Variants in PGAP1 observed in about 807,000 individuals in gnomAD.
PGAP1 encodes post-GPI attachment to proteins inositol deacylase 1, also known as GPI inositol-deacylase.
PGAP1 carries 76 observed loss-of-function variants against 127.0 expected under a neutral mutation model. The ratio of observed to expected loss-of-function variants is 0.60; its 90% CI spans 0.50 to 0.72. The LOEUF (loss-of-function observed/expected upper bound fraction) is 0.72. PGAP1 is among the 30% of genes least tolerant of loss of function. The pLI is 0.00. For missense variants in PGAP1, 982 were observed against 1,071.3 expected (o/e 0.92, Z 1.16); for synonymous variants, 362 against 366.5 (o/e 0.99, Z 0.14).
chr2:196,870,919 A>G (rs1434264430), intron 19 of PGAP1, 22 bp downstream of exon 19: 3 of 1,595,238 alleles, frequency 1.9e-6, no homozygotes, highest in Admixed American at 3.4e-5. Flanking sequence ...TAAATAATCA[A>G]CCAGCCAGGA....
At chr2:196,911,606 T>TAAA (rs56107551) in intron 4 of PGAP1, among the ~76,000 whole-genome samples, 12 of 77,292 alleles carry the variant, frequency 1.6e-4, no homozygotes, top group East Asian at 4.0e-4. Context: ...TAGAGTATAA[T>TAAA]AAAAAAAAAA....
intron 10 of PGAP1, among the ~76,000 whole-genome samples, chr2:196,888,112 G>A (rs1180401389): frequency 2.0e-5 from 3 of 152,134 alleles, no homozygotes; most frequent in Admixed American, 2.0e-4. Context: ...ACACCATGTT[G>A]ATATAACCTA....
At chr2:196,877,446 T>A (rs369398635) in intron 13 of PGAP1, 63 of 152,196 alleles carry the variant, frequency 4.1e-4, no homozygotes, top group African/African-American at 1.4e-3. Flanking sequence ...AGCATTAAGA[T>A]GCATTACATA....
intron 3 of PGAP1, 23 bp from the exon 4 acceptor site, chr2:196,913,076 C>T: frequency 1.3e-6 from 2 of 1,572,474 alleles, no homozygotes; most frequent in South Asian, 1.2e-5. Context: ...ATCACCAGGT[C>T]ATAATTGCGG....
intron 1 of PGAP1, 98 bp from the exon 2 acceptor site, chr2:196,920,248 C>T: frequency 9.5e-7 from 1 of 1,050,438 alleles, no homozygotes; most frequent in Non-Finnish European, 1.3e-6. Context: ...TGAAATAGTG[C>T]AATATAAAAA....
intron 22 of PGAP1, among the ~76,000 whole-genome samples, chr2:196,846,596 T>C (rs1176985680): frequency 6.6e-6 from 1 of 152,184 alleles, no homozygotes; most frequent in African/African-American, 2.4e-5. Flanking sequence ...CTCTAGGCAA[T>C]GTTTTTGGAG....
intron 4 of PGAP1, among the ~76,000 whole-genome samples, chr2:196,912,503 C>T (rs1702857885): frequency 6.7e-6 from 1 of 149,178 alleles, no homozygotes; most frequent in Admixed American, 6.8e-5. Flanking sequence ...TCGCTTGAAC[C>T]TGAGAGGTGG....
intron 2 of PGAP1, 140 bp downstream of exon 2, chr2:196,919,857 G>C: frequency 1.3e-6 from 1 of 741,250 alleles, no homozygotes; most frequent in Non-Finnish European, 2.1e-6. Context: ...ATTATATTTT[G>C]GTCTCTCTGT....
At chr2:196,843,626 A>G (rs1359714691) in intron 25 of PGAP1, among the ~76,000 whole-genome samples, 1 of 152,110 alleles carries the variant, frequency 6.6e-6, no homozygotes, top group African/African-American at 2.4e-5. Flanking sequence ...GAAAATGTGA[A>G]TGTATTAAAA....
intron 10 of PGAP1, among the ~76,000 whole-genome samples, chr2:196,888,320 T>G (rs895774352): frequency 9.9e-5 from 15 of 152,206 alleles, no homozygotes; most frequent in African/African-American, 2.7e-4. Flanking sequence ...CACTTTATAA[T>G]GGATGGATCA....
intron 20 of PGAP1, among the ~76,000 whole-genome samples, chr2:196,861,806 C>A (rs942343121): frequency 6.6e-6 from 1 of 151,898 alleles, no homozygotes; most frequent in Non-Finnish European, 1.5e-5. Context: ...GTCTTTACTG[C>A]AATCTCTAAA....
chr2:196,896,828 TAAAAAAAAAAA>T (rs566717804), intron 7 of PGAP1, among the ~76,000 whole-genome samples: 1 of 90,622 alleles, frequency 1.1e-5, no homozygotes, highest in African/African-American at 4.6e-5. Context: ...GACTCCATCT[TAAAAAAAAAAA>T]AAAAAAAAAA....
At chr2:196,891,981 CTG>C (rs1393002801) in intron 9 of PGAP1, among the ~76,000 whole-genome samples, 1 of 151,836 alleles carries the variant, frequency 6.6e-6, no homozygotes, top group African/African-American at 2.4e-5. Context: ...AAAATCAAGA[CTG>C]TGAAACTCTA....
Position 196,839,044 on chromosome 2 carries a change from AAAAC to A in PGAP1, c.*2186_*2189del, listed in dbSNP as rs141212788. ...GGTGACAGCGTGAGACTCCATCTCA[AAAAC>A]AAACAAACAAACAAACAAAAAGCAA... is the stretch of plus-strand genomic sequence containing the variant. On this transcript the variant is annotated 3_prime_UTR_variant, in exon 27 of 27. Coordinates refer to ENST00000354764, the MANE Select transcript of PGAP1 (RefSeq NM_024989.4). 1.9e-4 allele frequency: 30 copies of A among 154,038 alleles called. No individual in the cohort carries two copies. Among genetic ancestry groups the A allele is most frequent in the Non-Finnish European group, 3.0e-4 (21 of 69,340 alleles). 9.5% of individuals were successfully genotyped at this position (154,038 alleles called of 1,614,324 possible). A position where few individuals can be genotyped will look rare whatever the true frequency, so the allele number is the denominator to read the frequency against.
intron 8 of PGAP1, 120 bp downstream of exon 8, chr2:196,893,015 TATATA>T: frequency 2.2e-6 from 1 of 449,056 alleles, no homozygotes; most frequent in African/African-American, 2.0e-5. Flanking sequence ...TATATGTATA[TATATA>T]ATAGGATCCT....
chr2:196,862,151 G>A (rs1701088366), intron 20 of PGAP1, among the ~76,000 whole-genome samples: 1 of 151,928 alleles, frequency 6.6e-6, no homozygotes, highest in Non-Finnish European at 1.5e-5. Flanking sequence ...AAATATCACT[G>A]AATTCTTTTT....
chr2:196,870,485 T>C lies in PGAP1; in HGVS notation c.1767+456A>G, dbSNP rs183191810. ...CTAATTTTTGTATTTTCAGTAGAGG[T>C]GGGGTTTCACCAGTTGGCCAGGCTG... is the stretch of plus-strand genomic sequence containing the variant. On this transcript the variant is annotated intron_variant, in intron 19 of 26. Transcript: ENST00000354764. 5.0e-3 allele frequency among the ~76,000 whole-genome samples: 765 copies of C among 152,036 alleles called. 23 individuals are homozygous for C. The highest frequency in any genetic ancestry group is 0.045 in the Admixed American group (681 of 15,250).
chr2:196,903,286 T>A (rs1171580783), intron 4 of PGAP1, among the ~76,000 whole-genome samples: 1 of 150,864 alleles, frequency 6.6e-6, no homozygotes, highest in East Asian at 1.9e-4. Flanking sequence ...TCCCTCCCTA[T>A]GATGGCAGTA....
rs528756244 is a variant in PGAP1 at position 196,915,919 on chromosome 2, G to A, written c.477+499C>T. Among the ~76,000 whole-genome samples the A allele has an allele frequency of 4.0e-5, 6 of 148,212 alleles. No individual in the cohort carries two copies. The South Asian group carries it at 1.3e-3, about 32-fold the overall frequency. On this transcript the variant is annotated intron_variant, in intron 3 of 26. Transcript: ENST00000354764. ...CTTTCTTTAGCTAAGTGATATCAATGTACCTCCCTTACTTGCCCCATAGTC... is the reference window on the plus strand; with the variant it reads ...CTTTCTTTAGCTAAGTGATATCAATATACCTCCCTTACTTGCCCCATAGTC...
Sources: gnomAD v4.1 joint callset for allele counts (sites outside exome capture counted in the v4.1 genomes callset) on GRCh38, gnomAD v4.1.1 for gene constraint, MANE v1.5 for transcripts, NCBI Gene and HGNC (gene_info 2026-07-23, HGNC 2026-07-21) for gene names.